NTM: variants seen among roughly 807,000 people sequenced by gnomAD.
NTM encodes IgLON family member 2.
Under a neutral mutation model 42.1 loss-of-function variants are expected in NTM, and 13 were observed. That is an observed-to-expected ratio of 0.31 (90% CI 0.20 to 0.49). The LOEUF is 0.49. Among genes scored for constraint, NTM ranks in the 20% least tolerant of loss-of-function variants. The pLI, the probability that NTM is intolerant of heterozygous loss-of-function variation, is 0.99. For missense variants in NTM, 373 were observed against 452.8 expected (o/e 0.82, Z 1.60); for synonymous variants, 187 against 179.2 (o/e 1.04, Z -0.35).
chr11:131,405,782 C>T (rs969288891), intron 1 of NTM, among the ~76,000 whole-genome samples: 3 of 152,194 alleles, frequency 2.0e-5, no homozygotes, highest in Non-Finnish European at 4.4e-5. Flanking sequence ...CCACTTGCCT[C>T]TTAGAGACCC....
At position 132,290,009 on chromosome 11, in the gene NTM, A is replaced by G. The variant is rs570968890; in HGVS notation, c.527-17680A>G. On this transcript the variant is annotated intron_variant, in intron 4 of 8. Transcript: ENST00000683400. ...GGCTGTTCTAAGTTTAAGCCAGGAA[A>G]GGAAGGAGGAAAATAAACAACAGGA... Among the ~76,000 whole-genome samples, 14 of 152,370 alleles carry G rather than the reference A, an allele frequency of 9.2e-5. No individual in the cohort carries two copies. The South Asian group carries it at 2.7e-3, about 29-fold the overall frequency.
At chr11:131,784,920 C>T (rs1202496935) in intron 1 of NTM, among the ~76,000 whole-genome samples, 1 of 152,030 alleles carries the variant, frequency 6.6e-6, no homozygotes, top group Non-Finnish European at 1.5e-5. Flanking sequence ...TTTTATTGCT[C>T]ATGTCAAAGA....
intron 4 of NTM, among the ~76,000 whole-genome samples, chr11:132,250,847 A>G (rs2091866737): frequency 6.6e-6 from 1 of 151,960 alleles, no homozygotes. Context: ...CCATTATCTG[A>G]TATATTTGTA....
intron 4 of NTM, among the ~76,000 whole-genome samples, chr11:132,234,709 C>A (rs956514596): frequency 2.0e-5 from 3 of 152,292 alleles, no homozygotes; most frequent in Admixed American, 1.3e-4. Context: ...ATAGAGATTT[C>A]TTTTCTATTG....
At chr11:132,166,228 A>G (rs1223553719) in intron 3 of NTM, among the ~76,000 whole-genome samples, 5 of 152,106 alleles carry the variant, frequency 3.3e-5, no homozygotes, top group African/African-American at 1.2e-4. Flanking sequence ...TTTTTGAATC[A>G]CTTAGTTCCA....
rs67940996 is a variant in NTM, at chr11:131,389,050, G to GA, written c.82+18167dup. Among the ~76,000 whole-genome samples the GA allele has an allele frequency of 6.4e-4, 64 of 100,192 alleles. 3 individuals carry two copies. The highest frequency in any genetic ancestry group is 1.3e-3 in the African/African-American group (36 of 26,718). The allele number at this position is 100,192 out of a possible 152,430, so 65.7% of individuals were successfully genotyped here. A position where few individuals can be genotyped will look rare whatever the true frequency, so the allele number is the denominator to read the frequency against. On this transcript the variant is annotated intron_variant, in intron 1 of 8. Coordinates refer to ENST00000683400, the MANE Select transcript of NTM (RefSeq NM_001352005.2). ...AAAAGAAAAGAAAAGAAAAGAAAAGGAAAAAGAAAGATGGTGGTTGAAAGT... is the reference window on the plus strand; with the variant it reads ...AAAAGAAAAGAAAAGAAAAGAAAAGGAAAAAAGAAAGATGGTGGTTGAAAGT...
intron 1 of NTM, among the ~76,000 whole-genome samples, chr11:131,464,417 C>T (rs556123061): frequency 1.8e-3 from 273 of 152,156 alleles, no homozygotes; most frequent in African/African-American, 6.3e-3. Flanking sequence ...GACTGAACCG[C>T]TCTCTGGCAG....
intron 1 of NTM, among the ~76,000 whole-genome samples, chr11:131,561,631 C>T (rs1309962562): frequency 2.0e-5 from 3 of 152,170 alleles, no homozygotes; most frequent in Non-Finnish European, 4.4e-5. Flanking sequence ...ATTTTCATTC[C>T]TTCAGTCTCC....
chr11:132,143,610 T>G (rs1030971064), intron 2 of NTM, among the ~76,000 whole-genome samples: 3 of 152,172 alleles, frequency 2.0e-5, no homozygotes, highest in African/African-American at 4.8e-5. Flanking sequence ...GTACACATAG[T>G]GGGCTCATGT....
At chr11:131,471,093 C>A (rs1417163726) in intron 1 of NTM, among the ~76,000 whole-genome samples, 1 of 152,104 alleles carries the variant, frequency 6.6e-6, no homozygotes. Context: ...CAATCAAATG[C>A]GATTGACCAA....
At chr11:132,027,568 G>A (rs991751630) in intron 2 of NTM, among the ~76,000 whole-genome samples, 9 of 152,030 alleles carry the variant, frequency 5.9e-5, no homozygotes, top group East Asian at 1.9e-4. Context: ...TTCACTCGAC[G>A]CTCCTCTTCC....
chr11:132,251,084 G>A (rs903994416), intron 4 of NTM, among the ~76,000 whole-genome samples: 1 of 152,206 alleles, frequency 6.6e-6, no homozygotes, highest in Non-Finnish European at 1.5e-5. Flanking sequence ...TTCTGAGCTA[G>A]CCCAGGTAAT....
intron 4 of NTM, among the ~76,000 whole-genome samples, chr11:132,257,350 G>A (rs1426756380): frequency 1.3e-5 from 2 of 152,196 alleles, no homozygotes; most frequent in East Asian, 1.9e-4. Context: ...GCACTTCTGG[G>A]TGTAGAAAGG....
Position 132,329,599 on chromosome 11 carries a change from A to G in NTM, c.935-554A>G, listed in dbSNP as rs564997282. ...TCAATGGTTTGGTCTCCTCTGGTAC[A>G]TGGAAGCTGACTCACCAGTGTTTCT... On this transcript the variant is annotated intron_variant, in intron 7 of 8. Transcript: ENST00000683400. Among the ~76,000 whole-genome samples, 6 of 152,384 alleles carry G rather than the reference A, an allele frequency of 3.9e-5. No homozygotes were observed. The East Asian group carries it at 1.2e-3, about 29-fold the overall frequency.
At chr11:131,596,634 A>G (rs2059835236) in intron 1 of NTM, among the ~76,000 whole-genome samples, 1 of 152,214 alleles carries the variant, frequency 6.6e-6, no homozygotes, top group South Asian at 2.1e-4. Context: ...CGGGAGCAGA[A>G]AGCATGTCTA....
intron 1 of NTM, among the ~76,000 whole-genome samples, chr11:131,753,563 TA>T (rs1231765346): frequency 6.7e-6 from 1 of 148,978 alleles, no homozygotes; most frequent in African/African-American, 2.6e-5. Flanking sequence ...TATGCAGCCA[TA>T]AAAAGTGATG....
intron 1 of NTM, among the ~76,000 whole-genome samples, chr11:131,787,675 C>G (rs548341387): frequency 6.6e-6 from 1 of 152,274 alleles, no homozygotes; most frequent in Non-Finnish European, 1.5e-5. Context: ...AGCCACGGCG[C>G]TCGGCCAATA....
rs184803673 is a variant in NTM at position 131,792,004 on chromosome 11, C to T, written c.83-119560C>T. On this transcript the variant is annotated intron_variant, in intron 1 of 8. Transcript: ENST00000683400. ...TGGCACCTGTAGGCTATAACTGATA[C>T]GTAATAATTGTTATTACAAGAGAGG... is the stretch of plus-strand genomic sequence containing the variant. Among the ~76,000 whole-genome samples the T allele has an allele frequency of 4.6e-3, 696 of 152,142 alleles. 4 individuals are homozygous for T. The highest frequency in any genetic ancestry group is 6.5e-3 in the Non-Finnish European group (439 of 68,010).
chr11:132,047,134 G>T (rs2078134703), intron 2 of NTM, among the ~76,000 whole-genome samples: 1 of 152,208 alleles, frequency 6.6e-6, no homozygotes, highest in African/African-American at 2.4e-5. Flanking sequence ...ATCCTTCTTT[G>T]CCTCCATCCA....
Sources: gnomAD v4.1 joint callset for allele counts (sites outside exome capture counted in the v4.1 genomes callset) on GRCh38, gnomAD v4.1.1 for gene constraint, MANE v1.5 for transcripts, NCBI Gene and HGNC (gene_info 2026-07-23, HGNC 2026-07-21) for gene names.